The following LRRC7 variants were observed in gnomAD, a reference collection of about 807,000 sequenced individuals.
LRRC7 encodes leucine rich repeat containing 7.
LRRC7 carries 23 observed loss-of-function variants against 175.7 expected under a neutral mutation model. The observed-to-expected ratio is 0.13, with a 90% CI of 0.09 to 0.19. LRRC7 has a LOEUF of 0.19. LRRC7 is among the 10% of genes least tolerant of loss of function. The pLI is 1.00. For missense variants in LRRC7, 1,354 were observed against 1,904.7 expected (o/e 0.71, Z 5.38); for synonymous variants, 685 against 680.9 (o/e 1.01, Z -0.09).
chr1:69,582,965 A>C (rs1346989918), intron 1 of LRRC7, among the ~76,000 whole-genome samples: 3 of 152,130 alleles, frequency 2.0e-5, no homozygotes, highest in Non-Finnish European at 4.4e-5. Context: ...CATTTGGGGA[A>C]AAATAACATT....
rs117875722 is a variant in LRRC7 at position 70,084,346 on chromosome 1, A to T, written c.4453-5381A>T. Among the ~76,000 whole-genome samples, 18 of 152,126 alleles carry T rather than the reference A, an allele frequency of 1.2e-4. No individual in the cohort carries two copies. The East Asian group carries it at 3.3e-3, about 28-fold the overall frequency. Reference sequence around the variant, plus strand: ...ATACTCCCTCCAGCCCTAGACAACCACTCATCTACTTTCTGTCTCTATATA... The same window carrying T: ...ATACTCCCTCCAGCCCTAGACAACCTCTCATCTACTTTCTGTCTCTATATA... On this transcript the variant is annotated intron_variant, in intron 24 of 26. Coordinates refer to ENST00000651989, the MANE Select transcript of LRRC7 (RefSeq NM_001370785.2).
chr1:69,679,451 G>C (rs182964219), intron 2 of LRRC7, among the ~76,000 whole-genome samples: 23 of 152,126 alleles, frequency 1.5e-4, no homozygotes, highest in Admixed American at 5.9e-4. Flanking sequence ...AATTGTTCTT[G>C]TTTTGTTTAT....
At position 70,105,016 on chromosome 1, in the gene LRRC7, G is replaced by A. The variant is rs559089521; in HGVS notation, c.4546-2736G>A. 7.9e-5 allele frequency among the ~76,000 whole-genome samples: 12 copies of A among 152,242 alleles called. No individual in the cohort carries two copies. In the South Asian group the frequency reaches 1.7e-3, roughly 21 times the overall value. ...TCAGAGATGTAGTGGCTTATTTTGG[G>A]CAAAAGAGTCATTCTGCCTATTGTA... On this transcript the variant is annotated intron_variant, in intron 25 of 26. Coordinates refer to ENST00000651989, the MANE Select transcript of LRRC7 (RefSeq NM_001370785.2).
intron 7 of LRRC7, among the ~76,000 whole-genome samples, chr1:69,917,050 C>T (rs1294464933): frequency 1.3e-5 from 2 of 152,134 alleles, no homozygotes; most frequent in Non-Finnish European, 2.9e-5. Flanking sequence ...AGAAATTTTA[C>T]ACATTTCAAC....
intron 2 of LRRC7, among the ~76,000 whole-genome samples, chr1:69,747,683 A>G (rs900412922): frequency 1.3e-5 from 2 of 152,194 alleles, no homozygotes; most frequent in African/African-American, 4.8e-5. Context: ...AGAAATGAAT[A>G]AATTTCATTT....
chr1:69,787,904 C>G (rs977068035), intron 3 of LRRC7, among the ~76,000 whole-genome samples: 1 of 151,986 alleles, frequency 6.6e-6, no homozygotes, highest in Non-Finnish European at 1.5e-5. Flanking sequence ...CTATATCACT[C>G]CCTTTCTTCA....
In LRRC7 at chr1:69,687,965, G is replaced by C. The variant is rs1379492541; in HGVS notation, c.100+9487G>C. Among the ~76,000 whole-genome samples the C allele has an allele frequency of 2.0e-5, 3 of 152,168 alleles. No homozygotes were observed. In the East Asian group the frequency reaches 5.8e-4, roughly 29 times the overall value. ...GCCATTATTATAAAGTGTGATAATG[G>C]AATTCTGTCTGTTTGCTTCCCTCCA... On this transcript the variant is annotated intron_variant, in intron 2 of 26. Transcript: ENST00000651989.
intron 7 of LRRC7, among the ~76,000 whole-genome samples, chr1:69,877,711 C>G (rs1232230480): frequency 6.6e-6 from 1 of 152,148 alleles, no homozygotes. Flanking sequence ...AAACTGCTTT[C>G]TGTCTTTATA....
At chr1:69,913,516 T>G (rs1042273149) in intron 7 of LRRC7, among the ~76,000 whole-genome samples, 2 of 152,192 alleles carry the variant, frequency 1.3e-5, no homozygotes, top group Non-Finnish European at 2.9e-5. Flanking sequence ...TTCCTTTTTT[T>G]TTGTTTTTTG....
At chr1:69,672,871 T>C (rs898996829) in intron 1 of LRRC7, among the ~76,000 whole-genome samples, 5 of 152,202 alleles carry the variant, frequency 3.3e-5, no homozygotes, top group Non-Finnish European at 5.9e-5. Flanking sequence ...GTTGATAATG[T>C]TAATGAGCAG....
At chr1:69,880,738 G>A (rs559801215) in intron 7 of LRRC7, among the ~76,000 whole-genome samples, 36 of 152,036 alleles carry the variant, frequency 2.4e-4, no homozygotes, top group African/African-American at 8.7e-4. Context: ...TTTCATCAGA[G>A]TGTAGCTTAT....
rs77689479 is a variant in LRRC7, at chr1:69,974,389, G to A, written c.712-5990G>A. ...AAGTAGATAAGAAAGTTTTTGAGGT[G>A]TGAGATTCATATTTGAAAATGTTTT... is the stretch of plus-strand genomic sequence containing the variant. On this transcript the variant is annotated intron_variant, in intron 8 of 26. Coordinates refer to ENST00000651989, the MANE Select transcript of LRRC7 (RefSeq NM_001370785.2). Among the ~76,000 whole-genome samples, 1,060 of 152,220 alleles carry A rather than the reference G, an allele frequency of 7.0e-3. 6 individuals carry two copies. Among genetic ancestry groups the A allele is most frequent in the Non-Finnish European group, 8.5e-3 (577 of 68,000 alleles).
intron 7 of LRRC7, among the ~76,000 whole-genome samples, chr1:69,887,001 G>A (rs905201821): frequency 2.6e-5 from 4 of 151,606 alleles, no homozygotes; most frequent in African/African-American, 9.7e-5. Context: ...TTAGTCTGAT[G>A]GGCTTCCCTT....
chr1:69,619,236 C>T (rs1303798923), intron 1 of LRRC7, among the ~76,000 whole-genome samples: 1 of 152,094 alleles, frequency 6.6e-6, no homozygotes, highest in Non-Finnish European at 1.5e-5. Flanking sequence ...ACTATTTTCT[C>T]AATAATATTT....
Position 70,093,398 on chromosome 1 carries a change from C to A in LRRC7, c.4545+3579C>A, listed in dbSNP as rs116006679. Among the ~76,000 whole-genome samples the A allele has an allele frequency of 1.5e-3, 233 of 152,092 alleles. 3 individuals are homozygous for A. The highest frequency in any genetic ancestry group is 5.3e-3 in the African/African-American group (222 of 41,500). ...TATTATTCCCCATTTTATTGAGGCCCAGAGGGGTTAATTAACTTGCCCAAG... is the reference window on the plus strand; with the variant it reads ...TATTATTCCCCATTTTATTGAGGCCAAGAGGGGTTAATTAACTTGCCCAAG... On this transcript the variant is annotated intron_variant, in intron 25 of 26. Coordinates refer to ENST00000651989, the MANE Select transcript of LRRC7 (RefSeq NM_001370785.2).
intron 8 of LRRC7, among the ~76,000 whole-genome samples, chr1:69,957,481 T>A (rs1650619192): frequency 6.6e-6 from 1 of 151,892 alleles, no homozygotes; most frequent in African/African-American, 2.4e-5. Flanking sequence ...ATGCTCACTA[T>A]TTAACAGATT....
chr1:70,003,381 A>G (rs1655711663), intron 11 of LRRC7, among the ~76,000 whole-genome samples: 1 of 152,212 alleles, frequency 6.6e-6, no homozygotes, highest in Non-Finnish European at 1.5e-5. Context: ...ATCTACTCTT[A>G]GGAGATGAGG....
intron 8 of LRRC7, among the ~76,000 whole-genome samples, chr1:69,944,822 T>C (rs1649133306): frequency 6.6e-6 from 1 of 152,112 alleles, no homozygotes; most frequent in African/African-American, 2.4e-5. Context: ...TTTTAAGAAA[T>C]GACTCTTAAG....
chr1:69,891,494 G>A (rs925415255), intron 7 of LRRC7, among the ~76,000 whole-genome samples: 2 of 152,220 alleles, frequency 1.3e-5, no homozygotes, highest in Non-Finnish European at 2.9e-5. Flanking sequence ...CACTTTGGGA[G>A]GCCAGGGTGG....
Sources: gnomAD v4.1 joint callset for allele counts (sites outside exome capture counted in the v4.1 genomes callset) on GRCh38, gnomAD v4.1.1 for gene constraint, MANE v1.5 for transcripts, NCBI Gene and HGNC (gene_info 2026-07-23, HGNC 2026-07-21) for gene names.